The following CHD9NB variants were observed in gnomAD, a reference collection of about 807,000 sequenced individuals.
CHD9NB encodes the protein CHD9 neighbor, also known as CHD9 neighbor protein.
chr16:53,052,080 A>G, the CHD9NB span, among the ~76,000 whole-genome samples: 2 of 151,760 alleles, frequency 1.3e-5, no homozygotes, highest in South Asian at 4.2e-4. Flanking sequence ...TTGTCAATCT[A>G]AAATCCTTAG....
At chr16:53,041,385 T>C in the CHD9NB span, among the ~76,000 whole-genome samples, 1 of 152,262 alleles carries the variant, frequency 6.6e-6, no homozygotes, top group Non-Finnish European at 1.5e-5. Flanking sequence ...TGAGTACTTT[T>C]TTCTGTTAGA....
the CHD9NB span, among the ~76,000 whole-genome samples, chr16:53,038,659 T>G: frequency 2.0e-5 from 3 of 152,010 alleles, no homozygotes; most frequent in African/African-American, 4.8e-5. Context: ...TCTTGACACA[T>G]AAAATTAACC....
At chr16:53,044,066 G>T in the CHD9NB span, 3 of 398,668 alleles carry the variant, frequency 7.5e-6, no homozygotes, top group Non-Finnish European at 1.3e-5. Flanking sequence ...CCTGGGTGCC[G>T]GTCTCCAGAC....
At chr16:53,045,225 G>C in the CHD9NB span, among the ~76,000 whole-genome samples, 1 of 152,184 alleles carries the variant, frequency 6.6e-6, no homozygotes, top group African/African-American at 2.4e-5. Context: ...GCTTTCCAAA[G>C]TGTTGAGATT....
the CHD9NB span, among the ~76,000 whole-genome samples, chr16:53,049,717 C>T: frequency 3.3e-5 from 5 of 152,210 alleles, 1 homozygote; most frequent in East Asian, 9.7e-4. Context: ...TATAAAATCC[C>T]TTCCCAAGAG....
chr16:53,048,346 A>G, the CHD9NB span, among the ~76,000 whole-genome samples: 1 of 152,040 alleles, frequency 6.6e-6, no homozygotes, highest in East Asian at 1.9e-4. Context: ...TGGAAGAGTT[A>G]GAGATTGCAG....
chr16:53,037,551 G>A, the CHD9NB span, among the ~76,000 whole-genome samples: 1 of 152,290 alleles, frequency 6.6e-6, no homozygotes, highest in Non-Finnish European at 1.5e-5. Context: ...TGGGCTTTTT[G>A]TTGCTAATAA....
the CHD9NB span, among the ~76,000 whole-genome samples, chr16:53,045,084 C>T: frequency 6.6e-6 from 1 of 152,178 alleles, no homozygotes. Flanking sequence ...TAGGTGCATG[C>T]CACCATGCCC....
At chr16:53,037,466 G>A in the CHD9NB span, among the ~76,000 whole-genome samples, 2 of 152,160 alleles carry the variant, frequency 1.3e-5, no homozygotes, top group African/African-American at 2.4e-5. Context: ...TAGCCCAAAG[G>A]AAAAGTTTGT....
the CHD9NB span, among the ~76,000 whole-genome samples, chr16:53,050,192 T>G: frequency 6.6e-6 from 1 of 151,656 alleles, no homozygotes. Context: ...AGGAGTAGTA[T>G]TATCTCAAAA....
the CHD9NB span, among the ~76,000 whole-genome samples, chr16:53,051,768 AATATATATATATATATATATATATAT>A: frequency 2.5e-4 from 26 of 104,644 alleles, no homozygotes; most frequent in African/African-American, 7.3e-4. Context: ...TAAAAGTATA[AATATATATATATATATATATATATAT>A]ATATATATAT....
chr16:53,040,725 G>A, the CHD9NB span, among the ~76,000 whole-genome samples: 2 of 152,200 alleles, frequency 1.3e-5, no homozygotes, highest in South Asian at 4.1e-4. Flanking sequence ...AATGATGAGT[G>A]ATAGAGTAGA....
chr16:53,041,209 G>A, the CHD9NB span, among the ~76,000 whole-genome samples: 5 of 152,264 alleles, frequency 3.3e-5, no homozygotes, highest in African/African-American at 1.2e-4. Context: ...AGCAGTTTGG[G>A]AAGTTGGCCT....
the CHD9NB span, among the ~76,000 whole-genome samples, chr16:53,038,224 G>C: frequency 6.6e-6 from 1 of 152,230 alleles, no homozygotes; most frequent in Non-Finnish European, 1.5e-5. Context: ...GGGTCTTCTT[G>C]ACACAGTCTA....
At chr16:53,044,171 C>G in the CHD9NB span, 1 of 398,730 alleles carries the variant, frequency 2.5e-6, no homozygotes, top group Non-Finnish European at 4.4e-6. Flanking sequence ...CAGAGGGACA[C>G]AGAGGATCCA....
the CHD9NB span, chr16:53,043,979 C>T: frequency 3.3e-5 from 13 of 398,644 alleles, no homozygotes; most frequent in Non-Finnish European, 3.5e-5. Context: ...AGGTGAGGGT[C>T]CGACTCTGGA....
chr16:53,044,069 C>A, the CHD9NB span: 1 of 398,828 alleles, frequency 2.5e-6, no homozygotes, highest in South Asian at 1.3e-4. Flanking sequence ...GGGTGCCGGT[C>A]TCCAGACCTG....
At chr16:53,035,963 TAA>T in the CHD9NB span, 431 of 127,896 alleles carry the variant, frequency 3.4e-3, no homozygotes, top group African/African-American at 0.011. Flanking sequence ...AGACCCTTTC[TAA>T]AAAAAAAAAA....
the CHD9NB span, among the ~76,000 whole-genome samples, chr16:53,039,617 T>A: frequency 5.3e-5 from 8 of 151,978 alleles, no homozygotes; most frequent in Non-Finnish European, 1.0e-4. Flanking sequence ...TGGTGGTGGG[T>A]GCCTGTAATT....
Sources: allele counts gnomAD v4.1 joint callset (sites outside exome capture counted in the v4.1 genomes callset), GRCh38; gene constraint gnomAD v4.1.1; transcripts MANE v1.5; gene names NCBI Gene and HGNC (gene_info 2026-07-23, HGNC 2026-07-21).